FIGNL2: variants seen among roughly 807,000 people sequenced by gnomAD.
FIGNL2 encodes the protein fidgetin-like protein 2.
For synonymous variants in FIGNL2, 565 were observed against 484.0 expected (o/e 1.17, Z -2.20); for missense variants, 1,060 against 950.2 (o/e 1.12, Z -1.52).
rs546028904 is a variant in FIGNL2 at position 51,847,001 on chromosome 12, C to T, written c.-12+1539G>A. The stretch of plus-strand genomic sequence containing the variant: ...CCCCAGCAAGCCCCGCCCCTTTCCT[C>T]GCCCACCCCAGGAAGTCCCGCCCCG... On this transcript the variant is annotated intron_variant, in intron 1 of 1. Transcript: ENST00000618634. 21 of 964,982 alleles carry T rather than the reference C, an allele frequency of 2.2e-5. No individual in the cohort carries two copies. The East Asian group carries it at 2.4e-3, about 111-fold the overall frequency. 59.8% of individuals were successfully genotyped at this position (964,982 alleles called of 1,614,324 possible).
chr12:51,836,607 G>A (rs1592193505), intron 1 of FIGNL2, among the ~76,000 whole-genome samples: 1 of 152,116 alleles, frequency 6.6e-6, no homozygotes, highest in Admixed American at 6.5e-5. Flanking sequence ...GAATCTGTTG[G>A]TGCCGGATTA....
Position 51,821,724 on chromosome 12 carries a change from G to A in FIGNL2, c.690C>T (p.Tyr230=). 3.8e-6 allele frequency: 5 copies of A among 1,317,494 alleles called. No individual in the cohort carries two copies. The highest frequency in any genetic ancestry group is 4.8e-6 in the Non-Finnish European group (5 of 1,040,274). 81.6% of individuals were successfully genotyped at this position (1,317,494 alleles called of 1,614,324 possible). Reference sequence around the variant, plus strand: ...TGGGCGCGGGCAGGCCCGGGGTCAGGTAGGGGGCCGGGGGTGGGCCTGGGG... The same window carrying A: ...TGGGCGCGGGCAGGCCCGGGGTCAGATAGGGGGCCGGGGGTGGGCCTGGGG... The part of the protein sequence containing the change: ...PPPPGPPPAP[Y]LTPGLPAPTP... The change falls in exon 2 of 2, where the codon TAC becomes TAT. Residue 230 remains tyrosine (Y), a synonymous_variant. Coordinates refer to ENST00000618634, the MANE Select transcript of FIGNL2 (RefSeq NM_001384995.1).
intron 1 of FIGNL2, chr12:51,826,105 A>G (rs1939337718): frequency 1.3e-5 from 2 of 152,168 alleles, no homozygotes; most frequent in Admixed American, 1.3e-4. Context: ...TTGCACCCAG[A>G]AGGCCTCAGG....
At chr12:51,848,339 A>G (rs303781) in intron 1 of FIGNL2, 805,727 of 976,024 alleles carry the variant, frequency 0.83, 331,653 homozygotes, top group East Asian at 0.97. Flanking sequence ...CCTCCCCCCG[A>G]GAAGTGACCC....
chr12:51,832,280 G>A (rs2138988313), intron 1 of FIGNL2, among the ~76,000 whole-genome samples: 1 of 152,216 alleles, frequency 6.6e-6, no homozygotes, highest in East Asian at 1.9e-4. Flanking sequence ...GCCTCCCAAA[G>A]TGCTGTGATT....
chr12:51,847,904 T>TA (rs1939786572), intron 1 of FIGNL2: 1 of 859,756 alleles, frequency 1.2e-6, no homozygotes, highest in South Asian at 5.3e-5. Flanking sequence ...TGAAGGTGAG[T>TA]ACAGCCTCCT....
At chr12:51,846,406 G>A (rs527816222) in intron 1 of FIGNL2, among the ~76,000 whole-genome samples, 10 of 152,336 alleles carry the variant, frequency 6.6e-5, no homozygotes, top group Admixed American at 3.3e-4. Flanking sequence ...GGGAGCAAAG[G>A]CAGAGAGGCG....
At position 51,820,796 on chromosome 12, in the gene FIGNL2, C is replaced by G; in HGVS notation, c.1618G>C (p.Ala540Pro). 6.8e-7 allele frequency: 1 copy of G among 1,475,020 alleles called. No individual in the cohort carries two copies. Among genetic ancestry groups the G allele is most frequent in the Non-Finnish European group, 8.9e-7 (1 of 1,121,266 alleles). The allele number at this position is 1,475,020 out of a possible 1,614,324, so 91.4% of individuals were successfully genotyped here. Residue 540 changes from alanine to proline, a missense_variant, in exon 2 of 2, where the codon GCT becomes CCT. Coordinates refer to ENST00000618634, the MANE Select transcript of FIGNL2 (RefSeq NM_001384995.1). ...CGCCGGCGGGTCGCCTCGTCCAGAG[C>G]CGCGGGCCGCGAGGTGGTGCCCACA... ...LVVGTTSRPA[A>P]LDEATRRRFS...
intron 1 of FIGNL2, chr12:51,848,092 C>A (rs1433890566): frequency 4.4e-5 from 43 of 977,734 alleles, no homozygotes; most frequent in Non-Finnish European, 5.0e-5. Flanking sequence ...CCCACACACA[C>A]ACACAGGGGC....
Position 51,848,689 on chromosome 12 carries a change from G to C in FIGNL2, c.-161C>G. The C allele has an allele frequency of 3.2e-6, 1 of 313,314 alleles. No homozygotes were observed. The highest frequency in any genetic ancestry group is 4.6e-6 in the Non-Finnish European group (1 of 215,616). 19.4% of individuals were successfully genotyped at this position (313,314 alleles called of 1,614,324 possible). A position where few individuals can be genotyped will look rare whatever the true frequency, so the allele number is the denominator to read the frequency against. ...TCCTGGAGCCGCTGCTGCTGCGGCT[G>C]CTGCGGCCGCCGCGGGCGGGAGCGG... On this transcript the variant is annotated 5_prime_UTR_variant, in exon 1 of 2. Transcript: ENST00000618634.
At chr12:51,847,056 G>C in intron 1 of FIGNL2, 6 of 984,640 alleles carry the variant, frequency 6.1e-6, no homozygotes, top group Non-Finnish European at 6.0e-6. Context: ...GCGGCCGCCC[G>C]GTACCCGCGT....
chr12:51,848,306 G>A (rs967529205), intron 1 of FIGNL2: 1 of 984,580 alleles, frequency 1.0e-6, no homozygotes, highest in Non-Finnish European at 1.2e-6. Flanking sequence ...CGGCCGGGCG[G>A]CTATCCCCTG....
chr12:51,837,449 C>G (rs1426755864), intron 1 of FIGNL2, among the ~76,000 whole-genome samples: 3 of 152,206 alleles, frequency 2.0e-5, no homozygotes, highest in Non-Finnish European at 1.5e-5. Context: ...ACCTGGCTGC[C>G]TTGGGATGGG....
At chr12:51,835,805 CTT>C (rs34284176) in intron 1 of FIGNL2, among the ~76,000 whole-genome samples, 55,034 of 139,766 alleles carry the variant, frequency 0.39, 11,801 homozygotes, top group East Asian at 0.56. Flanking sequence ...ATCTAGACTT[CTT>C]TTTTTTTTTT....
At chr12:51,845,478 C>G in intron 1 of FIGNL2, 1 of 984,410 alleles carries the variant, frequency 1.0e-6, no homozygotes, top group Non-Finnish European at 1.2e-6. Flanking sequence ...CCCACAGTCT[C>G]TGTCCCCTGA....
At chr12:51,848,129 G>A in intron 1 of FIGNL2, 1 of 985,226 alleles carries the variant, frequency 1.0e-6, no homozygotes, top group African/African-American at 1.7e-5. Flanking sequence ...GACGGAGTGG[G>A]AGGGGCCTGC....
rs1454859827 is a variant in FIGNL2 at position 51,820,336 on chromosome 12, G to A, written c.*116C>T. On this transcript the variant is annotated 3_prime_UTR_variant, in exon 2 of 2. Transcript: ENST00000618634. ...CCACCGGCAGACCCCTCCTGTCCCC[G>A]ATCCCACATTCACCACTCCAGCCCC... 19 of 1,343,934 alleles carry A rather than the reference G, an allele frequency of 1.4e-5. No homozygotes were observed. The South Asian group carries it at 2.2e-4, about 16-fold the overall frequency. The allele number at this position is 1,343,934 out of a possible 1,614,324, so 83.3% of individuals were successfully genotyped here.
chr12:51,829,077 G>C (rs985501368), intron 1 of FIGNL2, among the ~76,000 whole-genome samples: 2 of 152,254 alleles, frequency 1.3e-5, no homozygotes, highest in Non-Finnish European at 2.9e-5. Flanking sequence ...TAGGCAAGGA[G>C]GGGCAGCTGT....
At chr12:51,832,873 C>A (rs1181004518) in intron 1 of FIGNL2, among the ~76,000 whole-genome samples, 1 of 152,202 alleles carries the variant, frequency 6.6e-6, no homozygotes, top group Non-Finnish European at 1.5e-5. Context: ...CCTCCCTCAG[C>A]CTTCCCCACT....
Sources: gnomAD v4.1 joint callset for allele counts (sites outside exome capture counted in the v4.1 genomes callset) on GRCh38, gnomAD v4.1.1 for gene constraint, MANE v1.5 for transcripts, NCBI Gene and HGNC (gene_info 2026-07-23, HGNC 2026-07-21) for gene names.